The following PDE1C variants were observed in gnomAD, a reference collection of about 807,000 sequenced individuals.
PDE1C encodes phosphodiesterase 1C.
Under a neutral mutation model 93.1 loss-of-function variants are expected in PDE1C, and 62 were observed. The ratio of observed to expected loss-of-function variants is 0.67; its 90% CI spans 0.54 to 0.82. The LOEUF is 0.82. Ranked by LOEUF, PDE1C falls within the 40% of genes least tolerant of loss-of-function variation. The pLI is 0.00. For synonymous variants in PDE1C, 325 were observed against 310.1 expected, an observed-to-expected ratio of 1.05 and a Z score of -0.50; for missense variants, 742 against 884.6, an observed-to-expected ratio of 0.84 and a Z score of 2.04.
At chr7:31,693,835 G>A in the PDE1C span, among the ~76,000 whole-genome samples, 1 of 152,106 alleles carries the variant, frequency 6.6e-6, no homozygotes, top group African/African-American at 2.4e-5. Context: ...AGGAAGAGAA[G>A]GAAATGAAAG....
intron 2 of PDE1C, among the ~76,000 whole-genome samples, chr7:32,007,312 G>A (rs569120986): frequency 3.3e-5 from 5 of 152,108 alleles, no homozygotes; most frequent in Non-Finnish European, 5.9e-5. Context: ...TTCCCCCAAA[G>A]AGCCACCTCA....
chr7:32,232,955 A>T (rs1807814107), intron 1 of PDE1C, among the ~76,000 whole-genome samples: 1 of 152,244 alleles, frequency 6.6e-6, no homozygotes, highest in Non-Finnish European at 1.5e-5. Context: ...CAAGAGCCAG[A>T]GTCTCATCAG....
intron 1 of PDE1C, among the ~76,000 whole-genome samples, chr7:32,426,164 T>C (rs1011883673): frequency 6.6e-6 from 1 of 152,186 alleles, no homozygotes; most frequent in Non-Finnish European, 1.5e-5. Flanking sequence ...ATATGAATTT[T>C]CCTTGATAAT....
chr7:32,362,222 C>G (rs1354666557), intron 1 of PDE1C, among the ~76,000 whole-genome samples: 1 of 151,978 alleles, frequency 6.6e-6, no homozygotes, highest in East Asian at 1.9e-4. Flanking sequence ...GGCGTGTGTG[C>G]ATGGATGGAG....
the PDE1C span, chr7:31,707,426 C>A: frequency 4.7e-6 from 3 of 634,582 alleles, no homozygotes; most frequent in Non-Finnish European, 8.1e-6. Context: ...GAGATGTATG[C>A]CATCAAATTG....
At chr7:32,065,060 G>T (rs753456135) in intron 1 of PDE1C, among the ~76,000 whole-genome samples, 9,332 of 147,326 alleles carry the variant, frequency 0.063, 433 homozygotes, top group Non-Finnish European at 0.074. Flanking sequence ...GTGGGGGGGG[G>T]GGGGAGGAGC....
chr7:31,658,333 A>G, the PDE1C span: 2 of 1,523,450 alleles, frequency 1.3e-6, no homozygotes, highest in Non-Finnish European at 1.8e-6. Context: ...TAACTCTGCT[A>G]AAGATGAAAA....
chr7:31,738,622 G>C, the PDE1C span, among the ~76,000 whole-genome samples: 6 of 152,168 alleles, frequency 3.9e-5, no homozygotes, highest in Admixed American at 3.9e-4. Flanking sequence ...ATTTCTGCAA[G>C]GCCATCCCAG....
In PDE1C at chr7:31,815,923, C is replaced by G; in HGVS notation, c.1813+1G>C. 9.4e-6 allele frequency: 15 copies of G among 1,599,896 alleles called. No individual in the cohort carries two copies. Among genetic ancestry groups the G allele is most frequent in the Non-Finnish European group, 1.3e-5 (15 of 1,167,088 alleles). Reference sequence around the variant, plus strand: ...CCCTTCACCAGTGTAAGTCTACTCACCATTCTGTTGCTGTTCTCCTGATGA... The same window carrying G: ...CCCTTCACCAGTGTAAGTCTACTCAGCATTCTGTTGCTGTTCTCCTGATGA... On this transcript the variant is annotated splice_donor_variant, in intron 15 of 17. Transcript: ENST00000396191. LOFTEE classifies it high-confidence loss of function.
At chr7:31,860,905 C>T (rs1286609193) in intron 7 of PDE1C, among the ~76,000 whole-genome samples, 1 of 152,012 alleles carries the variant, frequency 6.6e-6, no homozygotes, top group African/African-American at 2.4e-5. Context: ...AGAGTGAAAG[C>T]ATTCTCTTTT....
At chr7:32,390,729 C>A (rs1784734299) in intron 1 of PDE1C, among the ~76,000 whole-genome samples, 2 of 151,884 alleles carry the variant, frequency 1.3e-5, no homozygotes, top group South Asian at 4.2e-4. Context: ...GACCTGTAGT[C>A]CCAGCTACTC....
intron 2 of PDE1C, among the ~76,000 whole-genome samples, chr7:31,901,714 T>C (rs1800001938): frequency 6.6e-6 from 1 of 151,402 alleles, no homozygotes; most frequent in South Asian, 2.1e-4. Flanking sequence ...CTACCATCTA[T>C]AAAAATATAA....
At chr7:32,238,373 A>G (rs956090568) in intron 1 of PDE1C, among the ~76,000 whole-genome samples, 5 of 152,266 alleles carry the variant, frequency 3.3e-5, no homozygotes, top group African/African-American at 1.2e-4. Context: ...CCTCTTCATG[A>G]ATAGGAAGAC....
At chr7:32,186,738 C>A (rs1248031825) in intron 2 of PDE1C, among the ~76,000 whole-genome samples, 1 of 152,034 alleles carries the variant, frequency 6.6e-6, no homozygotes, top group East Asian at 1.9e-4. Context: ...CCTACATAAT[C>A]TAATCTTGAT....
chr7:32,375,301 A>G (rs1380548819), intron 1 of PDE1C, among the ~76,000 whole-genome samples: 1 of 152,144 alleles, frequency 6.6e-6, no homozygotes, highest in Non-Finnish European at 1.5e-5. Context: ...CAGAATATCC[A>G]TTGATTTAAT....
At chr7:32,239,328 G>A (rs890462935) in intron 1 of PDE1C, among the ~76,000 whole-genome samples, 8 of 152,088 alleles carry the variant, frequency 5.3e-5, no homozygotes, top group African/African-American at 1.9e-4. Context: ...AGGAGTTCTG[G>A]GTTGCAATGA....
the PDE1C span, among the ~76,000 whole-genome samples, chr7:31,631,881 T>C: frequency 9.8e-5 from 15 of 152,304 alleles, no homozygotes; most frequent in Non-Finnish European, 1.9e-4. Flanking sequence ...TTTTCAGTCT[T>C]TCTTCGGTTT....
At chr7:32,222,271 C>T (rs1177017674) in intron 1 of PDE1C, among the ~76,000 whole-genome samples, 2 of 152,172 alleles carry the variant, frequency 1.3e-5, no homozygotes, top group Non-Finnish European at 2.9e-5. Context: ...GATCAAAATG[C>T]ATCAAATAAA....
chr7:31,786,130 T>C (rs1048574799), intron 16 of PDE1C: 1 of 152,228 alleles, frequency 6.6e-6, no homozygotes, highest in East Asian at 1.9e-4. Context: ...TTCCTCATGC[T>C]GCACATAGAG....
Sources: allele counts gnomAD v4.1 joint callset (sites outside exome capture counted in the v4.1 genomes callset), GRCh38; gene constraint gnomAD v4.1.1; transcripts MANE v1.5; gene names NCBI Gene and HGNC (gene_info 2026-07-23, HGNC 2026-07-21).